Variants in SMCHD1 observed in about 807,000 individuals in gnomAD.
SMCHD1 encodes the protein structural maintenance of chromosomes flexible hinge domain-containing protein 1.
In SMCHD1, 78 loss-of-function variants were observed where a neutral mutation model predicts 254.7. The ratio of observed to expected loss-of-function variants is 0.31; its 90% CI spans 0.26 to 0.37. SMCHD1 has a LOEUF of 0.37. Among genes scored for constraint, SMCHD1 ranks in the 10% least tolerant of loss-of-function variants. The pLI is 1.00. For missense variants in SMCHD1, 1,840 were observed against 2,408.1 expected (o/e 0.76, Z 4.94); for synonymous variants, 766 against 794.9 (o/e 0.96, Z 0.61).
intron 43 of SMCHD1, 23 bp downstream of exon 43, chr18:2,777,938 T>C: frequency 7.4e-7 from 1 of 1,356,168 alleles, no homozygotes. Context: ...ATGGTGACTT[T>C]ACTTTTGTAC....
chr18:2,689,905 T>G (rs1234788226), intron 7 of SMCHD1, among the ~76,000 whole-genome samples: 9 of 146,294 alleles, frequency 6.2e-5, no homozygotes, highest in Non-Finnish European at 1.0e-4. Context: ...GCGCCTGTAG[T>G]CCCAGCAGCT....
chr18:2,725,347 A>G (rs1288591519), intron 21 of SMCHD1, among the ~76,000 whole-genome samples: 1 of 145,348 alleles, frequency 6.9e-6, no homozygotes, highest in African/African-American at 2.5e-5. Flanking sequence ...ACTTTTGAAT[A>G]TTTTTCTTAG....
chr18:2,718,270 G>A lies in SMCHD1; in HGVS notation c.2338+35G>A. The stretch of plus-strand genomic sequence containing the variant: ...TATTCTGAATGTTAAAAAATACATT[G>A]GTATTGTGTTGACTTGATTTTTAAT... On this transcript the variant is annotated intron_variant, in intron 18 of 47. Transcript: ENST00000320876. This position sits in a 1 kb window ranked among gnomAD's most constrained non-coding sequence, Gnocchi z 4.6. 1 of 1,608,012 alleles carries A rather than the reference G, an allele frequency of 6.2e-7. No individual in the cohort carries two copies. The highest frequency in any genetic ancestry group is 8.5e-7 in the Non-Finnish European group (1 of 1,176,770).
intron 25 of SMCHD1, among the ~76,000 whole-genome samples, chr18:2,736,994 C>T (rs902049592): frequency 1.3e-5 from 2 of 152,042 alleles, no homozygotes; most frequent in Admixed American, 1.3e-4. Flanking sequence ...AGGTGCCTGT[C>T]GGTAGTAGAT....
At chr18:2,728,750 T>C (rs1220987741) in intron 23 of SMCHD1, 154 bp downstream of exon 23, 1 of 782,540 alleles carries the variant, frequency 1.3e-6, no homozygotes, top group Non-Finnish European at 1.9e-6. Context: ...TAGTTTTTTT[T>C]TTTTAATCGT....
At chr18:2,740,646 G>A in intron 27 of SMCHD1, 57 bp from the exon 28 acceptor site, 1 of 921,470 alleles carries the variant, frequency 1.1e-6, no homozygotes, top group Non-Finnish European at 1.7e-6. Context: ...GTGTATTGTA[G>A]ATATTTATAT....
chr18:2,686,093 T>G (rs1264948115), intron 5 of SMCHD1, among the ~76,000 whole-genome samples: 5 of 152,230 alleles, frequency 3.3e-5, no homozygotes, highest in Non-Finnish European at 7.3e-5. Flanking sequence ...GGTGAATTTT[T>G]TTCAGATTTT....
intron 27 of SMCHD1, 24 bp downstream of exon 27, chr18:2,739,544 A>T (rs2075309517): frequency 1.3e-6 from 2 of 1,568,906 alleles, no homozygotes; most frequent in Non-Finnish European, 1.7e-6. Flanking sequence ...GCTTTAAAAA[A>T]CAAACAACAA....
At chr18:2,772,225 G>A (rs2075996717) in intron 40 of SMCHD1, 25 bp from the exon 41 acceptor site, 1 of 1,534,604 alleles carries the variant, frequency 6.5e-7, no homozygotes, top group Non-Finnish European at 8.7e-7. Flanking sequence ...TGGTCTTGTA[G>A]TTAATTTTTC....
intron 5 of SMCHD1, among the ~76,000 whole-genome samples, chr18:2,680,823 T>G (rs2073907001): frequency 6.6e-6 from 1 of 152,208 alleles, no homozygotes; most frequent in Admixed American, 6.5e-5. Context: ...TTGCTGCTGA[T>G]TGATTTTGAC....
rs148279235 is a variant in SMCHD1 at position 2,770,796 on chromosome 18, T to C, written c.4966+688T>C. Among the ~76,000 whole-genome samples the C allele has an allele frequency of 2.5e-3, 377 of 152,236 alleles. 3 individuals are homozygous for C. The highest frequency in any genetic ancestry group is 8.5e-3 in the African/African-American group (355 of 41,524). ...CCACCACGCCTGGCTGATTTTTGTA[T>C]TTTTAGTAGAGACGGGGTTTCACCA... On this transcript the variant is annotated intron_variant, in intron 39 of 47. Transcript: ENST00000320876.
In SMCHD1 at chr18:2,802,678, G is replaced by T; in HGVS notation, c.*126G>T. ...TTCTGGGGACAATACAAGTACCTGG[G>T]CATGAATTTCCATTTCGATTCAGAT... On this transcript the variant is annotated 3_prime_UTR_variant, in exon 48 of 48. Coordinates refer to ENST00000320876, the MANE Select transcript of SMCHD1 (RefSeq NM_015295.3). 2.6e-6 allele frequency: 2 copies of T among 777,388 alleles called. No homozygotes were observed. Among genetic ancestry groups the T allele is most frequent in the East Asian group, 3.1e-5 (1 of 32,442 alleles). 48.2% of individuals were successfully genotyped at this position (777,388 alleles called of 1,614,324 possible).
At chr18:2,747,357 G>A (rs1342822281) in intron 29 of SMCHD1, among the ~76,000 whole-genome samples, 165 bp from the exon 30 acceptor site, 1 of 152,112 alleles carries the variant, frequency 6.6e-6, no homozygotes, top group Non-Finnish European at 1.5e-5. Flanking sequence ...TGATAAGAGG[G>A]TCACACAATT....
intron 12 of SMCHD1, among the ~76,000 whole-genome samples, chr18:2,702,043 A>G (rs879391432): frequency 5.9e-5 from 9 of 152,118 alleles, no homozygotes; most frequent in Non-Finnish European, 1.0e-4. Flanking sequence ...ATTCATTTAT[A>G]ATATGGTGTT....
intron 19 of SMCHD1, among the ~76,000 whole-genome samples, chr18:2,721,306 T>G (rs765239238): frequency 1.3e-5 from 2 of 152,200 alleles, no homozygotes; most frequent in Non-Finnish European, 2.9e-5. Context: ...TGTAGAGTCA[T>G]TGTTACAGGG....
chr18:2,751,139 TC>T (rs1162486131), intron 32 of SMCHD1, 138 bp from the exon 33 acceptor site: 1 of 553,000 alleles, frequency 1.8e-6, no homozygotes, highest in Non-Finnish European at 3.1e-6. Flanking sequence ...ATACATTTCT[TC>T]ATCAGAATTG....
intron 5 of SMCHD1, among the ~76,000 whole-genome samples, chr18:2,674,764 A>G (rs1037808355): frequency 6.6e-6 from 1 of 152,212 alleles, no homozygotes; most frequent in African/African-American, 2.4e-5. Context: ...CTCTACTTCT[A>G]ACAACATACT....
chr18:2,748,680 C>CCACT (rs2075515863), intron 30 of SMCHD1, among the ~76,000 whole-genome samples: 1 of 152,018 alleles, frequency 6.6e-6, no homozygotes, highest in African/African-American at 2.4e-5. Context: ...CAGGTGTGAG[C>CCACT]CACTGCGCCT....
chr18:2,764,745 G>A (rs1295868857), intron 37 of SMCHD1, among the ~76,000 whole-genome samples: 2 of 152,164 alleles, frequency 1.3e-5, no homozygotes, highest in African/African-American at 4.8e-5. Context: ...TAGGCTGTAT[G>A]CAAATACGAC....
Sources: allele counts gnomAD v4.1 joint callset (sites outside exome capture counted in the v4.1 genomes callset), GRCh38; gene constraint gnomAD v4.1.1; non-coding constraint Gnocchi (gnomAD v3.1); transcripts MANE v1.5; gene names NCBI Gene and HGNC (gene_info 2026-07-23, HGNC 2026-07-21).